MSRA: variants seen among roughly 807,000 people sequenced by gnomAD.
MSRA encodes methionine sulfoxide reductase A.
In MSRA, 54 loss-of-function variants were observed where a neutral mutation model predicts 31.3. The ratio of observed to expected loss-of-function variants is 1.73; its 90% CI spans 1.39 to 2.17. MSRA has a LOEUF of 2.17. Ranked by LOEUF, MSRA falls within the 30% of genes most tolerant of loss-of-function variation. MSRA has a pLI of 0.00. For missense variants in MSRA, 507 were observed against 300.9 expected, an observed-to-expected ratio of 1.69 and a Z score of -5.07; for synonymous variants, 169 against 116.5, an observed-to-expected ratio of 1.45 and a Z score of -2.90.
chr8:10,107,978 G>C (rs1189320805), intron 1 of MSRA, among the ~76,000 whole-genome samples: 2 of 152,116 alleles, frequency 1.3e-5, no homozygotes, highest in African/African-American at 4.8e-5. Flanking sequence ...ATTTAACCCA[G>C]CTGTCCCTTC....
At chr8:10,069,561 T>C (rs1329828660) in intron 1 of MSRA, among the ~76,000 whole-genome samples, 2 of 152,260 alleles carry the variant, frequency 1.3e-5, no homozygotes, top group Non-Finnish European at 2.9e-5. Flanking sequence ...GGCTGTTCTC[T>C]GCTTCAAAGA....
intron 1 of MSRA, among the ~76,000 whole-genome samples, chr8:10,076,460 G>T (rs1179681458): frequency 6.6e-6 from 1 of 152,176 alleles, no homozygotes; most frequent in Non-Finnish European, 1.5e-5. Context: ...GAAGCAGGAA[G>T]GTTGATTATT....
chr8:10,286,340 T>C (rs1335785193), intron 3 of MSRA, among the ~76,000 whole-genome samples: 2 of 152,150 alleles, frequency 1.3e-5, no homozygotes, highest in African/African-American at 2.4e-5. Context: ...TCTGGTGCTG[T>C]TCTCATGATA....
At chr8:10,380,286 C>T (rs1332684782) in intron 5 of MSRA, among the ~76,000 whole-genome samples, 1 of 152,174 alleles carries the variant, frequency 6.6e-6, no homozygotes, top group African/African-American at 2.4e-5. Context: ...AGAAGGGTCA[C>T]CTCCTTTGGA....
At chr8:10,230,550 A>T (rs1307580185) in intron 2 of MSRA, among the ~76,000 whole-genome samples, 1 of 152,222 alleles carries the variant, frequency 6.6e-6, no homozygotes, top group Non-Finnish European at 1.5e-5. Flanking sequence ...TACAAAAGAA[A>T]ACCAGAGGCA....
chr8:10,096,088 G>A, intron 1 of MSRA: 1 of 1,337,520 alleles, frequency 7.5e-7, no homozygotes, highest in Non-Finnish European at 9.9e-7. Flanking sequence ...GACATTTATA[G>A]ACATTAACTT....
At chr8:10,255,758 T>C (rs1222484564) in intron 3 of MSRA, among the ~76,000 whole-genome samples, 1 of 150,162 alleles carries the variant, frequency 6.7e-6, no homozygotes, top group African/African-American at 2.5e-5. Flanking sequence ...GGGGCTGGAG[T>C]GGGGCGGTGG....
chr8:10,196,733 A>T (rs556165242), intron 1 of MSRA, among the ~76,000 whole-genome samples: 9 of 146,854 alleles, frequency 6.1e-5, no homozygotes, highest in African/African-American at 2.0e-4. Context: ...TTTATTTTTA[A>T]TTTTTTTTTT....
At chr8:10,141,198 T>C (rs905995971) in intron 1 of MSRA, among the ~76,000 whole-genome samples, 1 of 152,190 alleles carries the variant, frequency 6.6e-6, no homozygotes, top group Non-Finnish European at 1.5e-5. Context: ...GTGGACGTTA[T>C]ACTGAGTGCT....
At chr8:10,153,615 A>G (rs976212752) in intron 1 of MSRA, among the ~76,000 whole-genome samples, 1 of 152,120 alleles carries the variant, frequency 6.6e-6, no homozygotes, top group Non-Finnish European at 1.5e-5. Flanking sequence ...GGATATTGAC[A>G]TTGGTCATTT....
intron 3 of MSRA, among the ~76,000 whole-genome samples, chr8:10,282,620 G>T (rs1799681938): frequency 6.6e-6 from 1 of 152,182 alleles, no homozygotes; most frequent in Non-Finnish European, 1.5e-5. Flanking sequence ...CTTCTCGTCT[G>T]TTCTCTGATC....
intron 5 of MSRA, among the ~76,000 whole-genome samples, chr8:10,383,075 A>C (rs1563416970): frequency 2.0e-5 from 3 of 152,124 alleles, no homozygotes; most frequent in Non-Finnish European, 4.4e-5. Context: ...GTGTTCACCC[A>C]CCTGACCCTT....
chr8:10,235,427 T>C (rs1811860743), intron 2 of MSRA, among the ~76,000 whole-genome samples: 1 of 152,066 alleles, frequency 6.6e-6, no homozygotes, highest in African/African-American at 2.4e-5. Flanking sequence ...TAAAAACATG[T>C]ATTAGAAAAG....
chr8:10,344,868 A>G (rs1442583908), intron 5 of MSRA, among the ~76,000 whole-genome samples: 3 of 152,226 alleles, frequency 2.0e-5, no homozygotes, highest in African/African-American at 7.2e-5. Context: ...CTATCACAGC[A>G]TAACAAACTA....
intron 1 of MSRA, among the ~76,000 whole-genome samples, chr8:10,111,186 G>T (rs1800253819): frequency 6.6e-6 from 1 of 152,148 alleles, no homozygotes; most frequent in African/African-American, 2.4e-5. Flanking sequence ...TCATTTCTTG[G>T]TACCCATTAC....
intron 5 of MSRA, among the ~76,000 whole-genome samples, chr8:10,322,942 T>A (rs1163282611): frequency 6.6e-6 from 1 of 151,862 alleles, no homozygotes; most frequent in African/African-American, 2.4e-5. Flanking sequence ...ATACAAAAAT[T>A]AGCCAGGCGT....
At position 10,156,529 on chromosome 8, in the gene MSRA, G is replaced by A. The variant is rs77947443; in HGVS notation, c.143-51304G>A. Among the ~76,000 whole-genome samples the A allele has an allele frequency of 5.3e-3, 812 of 152,234 alleles. 9 individuals carry two copies. Among genetic ancestry groups the A allele is most frequent in the African/African-American group, 0.019 (772 of 41,534 alleles). ...AGTTATCAGTATTCAATGCTATATC[G>A]TTTGTTTCTGTAGGTTTGATATTTT... is the stretch of plus-strand genomic sequence containing the variant. On this transcript the variant is annotated intron_variant, in intron 1 of 5. Coordinates refer to ENST00000317173, the MANE Select transcript of MSRA (RefSeq NM_012331.5).
chr8:10,093,223 A>G (rs1030491976), intron 1 of MSRA, among the ~76,000 whole-genome samples: 5 of 152,084 alleles, frequency 3.3e-5, no homozygotes, highest in African/African-American at 1.2e-4. Flanking sequence ...TACTTATGCT[A>G]TTGGGCTATA....
At chr8:10,218,841 G>C (rs1250425407) in intron 2 of MSRA, among the ~76,000 whole-genome samples, 1 of 152,166 alleles carries the variant, frequency 6.6e-6, no homozygotes. Flanking sequence ...GTAACCAGTT[G>C]GGTGAATACT....
Sources: allele counts gnomAD v4.1 joint callset (sites outside exome capture counted in the v4.1 genomes callset), GRCh38; gene constraint gnomAD v4.1.1; transcripts MANE v1.5; gene names NCBI Gene and HGNC (gene_info 2026-07-23, HGNC 2026-07-21).